The following LRBA variants were observed in gnomAD, a reference collection of about 807,000 sequenced individuals.
LRBA encodes the protein LPS responsive beige-like anchor protein, also known as lipopolysaccharide-responsive and beige-like anchor protein.
A neutral mutation model predicts 330.0 loss-of-function variants in LRBA; 176 were observed. That is an observed-to-expected ratio of 0.53 (90% CI 0.47 to 0.60). The LOEUF is 0.60. LRBA is among the 20% of genes least tolerant of loss of function. LRBA has a pLI of 0.00. For missense variants in LRBA, 3,259 were observed against 3,444.8 expected, an observed-to-expected ratio of 0.95 and a Z score of 1.35; for synonymous variants, 1,230 against 1,193.0, an observed-to-expected ratio of 1.03 and a Z score of -0.64.
At chr4:150,526,642 T>C (rs1385960154) in intron 40 of LRBA, among the ~76,000 whole-genome samples, 1 of 152,198 alleles carries the variant, frequency 6.6e-6, no homozygotes, top group Non-Finnish European at 1.5e-5. Context: ...TATATTAATC[T>C]ATGAAACAAT....
At chr4:150,999,195 A>T (rs1216285190) in intron 2 of LRBA, among the ~76,000 whole-genome samples, 1 of 152,210 alleles carries the variant, frequency 6.6e-6, no homozygotes, top group Non-Finnish European at 1.5e-5. Flanking sequence ...ACTGCTGAAG[A>T]GGCAAGAAAG....
rs563215951 is a variant in LRBA, at chr4:150,858,930, TA to T, written c.2767-5988del. Among the ~76,000 whole-genome samples, 78 of 152,322 alleles carry T rather than the reference TA, an allele frequency of 5.1e-4. 1 individual carries two copies. Among genetic ancestry groups the T allele is most frequent in the Non-Finnish European group, 7.1e-4 (48 of 68,018 alleles). ...ATATGCCAGTTCATATCTTATGATT[TA>T]AAAAATAATTTTAATAAACCAATTA... On this transcript the variant is annotated intron_variant, in intron 22 of 56. Transcript: ENST00000651943.
chr4:150,389,504 C>G (rs759625199), intron 47 of LRBA, among the ~76,000 whole-genome samples: 2 of 151,684 alleles, frequency 1.3e-5, no homozygotes, highest in Admixed American at 6.6e-5. Flanking sequence ...GCCAGGAGTT[C>G]GAGGCCAGCC....
At chr4:150,844,917 G>A (rs1177338721) in intron 26 of LRBA, 138 bp from the exon 27 acceptor site, 1 of 703,372 alleles carries the variant, frequency 1.4e-6, no homozygotes, top group Non-Finnish European at 2.3e-6. Flanking sequence ...TTCCTAAAAT[G>A]TCCCTAGACT....
intron 47 of LRBA, among the ~76,000 whole-genome samples, chr4:150,362,401 T>C (rs748923649): frequency 3.9e-5 from 6 of 152,228 alleles, no homozygotes; most frequent in Non-Finnish European, 7.3e-5. Context: ...TCTTTATCTC[T>C]AAAATTTCCC....
At chr4:150,805,261 CGAGAAGGAAAGGAAAGGAAAG>C (rs1742433102) in intron 33 of LRBA, among the ~76,000 whole-genome samples, 1 of 74,608 alleles carries the variant, frequency 1.3e-5, no homozygotes, top group African/African-American at 5.2e-5. Context: ...GAGAAGGAAA[CGAGAAGGAAAGGAAAGGAAAG>C]GAGAAGGAAA....
At chr4:150,822,301 A>C (rs1395369023) in intron 30 of LRBA, among the ~76,000 whole-genome samples, 1 of 152,196 alleles carries the variant, frequency 6.6e-6, no homozygotes, top group Non-Finnish European at 1.5e-5. Context: ...GACATCAGTA[A>C]GGCACAAATT....
At chr4:150,435,779 G>T in intron 45 of LRBA, 71 bp from the exon 46 acceptor site, 2 of 1,258,514 alleles carry the variant, frequency 1.6e-6, no homozygotes, top group Non-Finnish European at 2.2e-6. Flanking sequence ...TAAATTCTTA[G>T]AACTAAATAC....
intron 51 of LRBA, among the ~76,000 whole-genome samples, chr4:150,311,571 C>T (rs1213353101): frequency 6.6e-6 from 1 of 152,154 alleles, no homozygotes. Flanking sequence ...GGATCTGTTG[C>T]CCTCATGGCA....
rs72955840 is a variant in LRBA, at chr4:150,426,571, T to A, written c.7041+9018A>T. On this transcript the variant is annotated intron_variant, in intron 46 of 56. Transcript: ENST00000651943. ...AGGCTCATATGGGATAATGCGGAAT[T>A]CTATATATACATAAGATATTATTAT... Among the ~76,000 whole-genome samples the A allele has an allele frequency of 5.6e-3, 854 of 152,000 alleles. 7 individuals are homozygous for A. The highest frequency in any genetic ancestry group is 0.019 in the African/African-American group (805 of 41,514).
intron 4 of LRBA, among the ~76,000 whole-genome samples, chr4:150,922,495 T>C (rs1250837563): frequency 6.6e-6 from 1 of 151,704 alleles, no homozygotes; most frequent in Non-Finnish European, 1.5e-5. Context: ...GAAACTATTA[T>C]TCTAAGTGAA....
intron 40 of LRBA, among the ~76,000 whole-genome samples, chr4:150,539,206 C>T (rs754708921): frequency 3.9e-5 from 6 of 152,120 alleles, no homozygotes; most frequent in South Asian, 2.1e-4. Context: ...AATCTCTTGA[C>T]GTCGTGATCC....
chr4:150,716,213 C>T (rs1370118451), intron 36 of LRBA, among the ~76,000 whole-genome samples: 2 of 152,138 alleles, frequency 1.3e-5, no homozygotes, highest in African/African-American at 4.8e-5. Flanking sequence ...CTTTGGGAGG[C>T]CAAGGCAGAT....
At chr4:150,765,412 T>C (rs940409974) in intron 34 of LRBA, among the ~76,000 whole-genome samples, 2 of 152,004 alleles carry the variant, frequency 1.3e-5, no homozygotes, top group Non-Finnish European at 2.9e-5. Context: ...GGACTTTGGG[T>C]GATAATGATA....
chr4:150,627,918 G>A (rs1561442301), intron 37 of LRBA, among the ~76,000 whole-genome samples: 1 of 152,010 alleles, frequency 6.6e-6, no homozygotes, highest in East Asian at 1.9e-4. Flanking sequence ...CAGATGGAAT[G>A]CAGTAGTAAA....
intron 37 of LRBA, among the ~76,000 whole-genome samples, chr4:150,601,655 T>C (rs578129647): frequency 2.0e-5 from 3 of 152,206 alleles, no homozygotes; most frequent in Non-Finnish European, 2.9e-5. Context: ...TATATATATA[T>C]ATGCAGACAT....
At chr4:150,738,170 T>C (rs1194626602) in intron 35 of LRBA, among the ~76,000 whole-genome samples, 3 of 151,892 alleles carry the variant, frequency 2.0e-5, no homozygotes, top group African/African-American at 7.3e-5. Flanking sequence ...TTTGTATTTT[T>C]AGTAGAGACG....
In LRBA at chr4:150,592,197, T is replaced by G. The variant is rs1276736359; in HGVS notation, c.6047-1338A>C. Among the ~76,000 whole-genome samples the G allele has an allele frequency of 2.4e-5, 3 of 124,598 alleles. No homozygotes were observed. The East Asian group carries it at 8.0e-4, about 33-fold the overall frequency. 81.7% of individuals were successfully genotyped at this position (124,598 alleles called of 152,430 possible). A position where few individuals can be genotyped will look rare whatever the true frequency, so the allele number is the denominator to read the frequency against. On this transcript the variant is annotated intron_variant, in intron 38 of 56. Coordinates refer to ENST00000651943, the MANE Select transcript of LRBA (RefSeq NM_001364905.1). Reference sequence around the variant, plus strand: ...CTCCACTGCAGCTTCTGCCTAGGCATAAGGCCCAAACCCCAGAAAGAATAA... The same window carrying G: ...CTCCACTGCAGCTTCTGCCTAGGCAGAAGGCCCAAACCCCAGAAAGAATAA...
At chr4:150,460,051 C>G (rs1490407834) in intron 44 of LRBA, among the ~76,000 whole-genome samples, 1 of 151,640 alleles carries the variant, frequency 6.6e-6, no homozygotes, top group East Asian at 1.9e-4. Flanking sequence ...CCCCCCACCC[C>G]CAAGAGTGTT....
Sources: allele counts gnomAD v4.1 joint callset (sites outside exome capture counted in the v4.1 genomes callset), GRCh38; gene constraint gnomAD v4.1.1; transcripts MANE v1.5; gene names NCBI Gene and HGNC (gene_info 2026-07-23, HGNC 2026-07-21).